The following LTBP1 variants were observed in gnomAD, a reference collection of about 807,000 sequenced individuals.
LTBP1 encodes latent-transforming growth factor beta-binding protein 1.
In LTBP1, 129 loss-of-function variants were observed where a neutral mutation model predicts 207.6. That is an observed-to-expected ratio of 0.62 (90% CI 0.54 to 0.72). The LOEUF is 0.72. Among genes scored for constraint, LTBP1 ranks in the 30% least tolerant of loss-of-function variants. LTBP1 has a pLI of 0.00. For synonymous variants in LTBP1, 963 were observed against 833.7 expected (o/e 1.16, Z -2.67); for missense variants, 2,281 against 2,217.2 (o/e 1.03, Z -0.58).
chr2:32,967,725 A>C (rs1332483692), intron 2 of LTBP1, among the ~76,000 whole-genome samples: 1 of 152,200 alleles, frequency 6.6e-6, no homozygotes, highest in African/African-American at 2.4e-5. Context: ...GATGTGTTTT[A>C]TGACCCAGAA....
Position 33,188,636 on chromosome 2 carries a change from C to G in LTBP1, c.1486C>G (p.Gln496Glu), listed in dbSNP as rs953786563. The change falls in exon 7 of 34, where the codon CAG becomes GAG. Residue 496 changes from glutamine (Q) to glutamate (E), a missense_variant. By Grantham distance (29) the Gln-to-Glu change is conservative. Transcript: ENST00000404816. The stretch of plus-strand genomic sequence containing the variant: ...GAAACATCCTCCTGAAGCTTCCGTC[C>G]AGATACATCAGGTTTCAAGAATTGA... Reference protein sequence around the residue: ...HVKHPPEASVQIHQVSRIDGP... With the variant: ...HVKHPPEASVEIHQVSRIDGP... 1.6e-5 allele frequency: 26 copies of G among 1,614,064 alleles called. No homozygotes were observed. Among genetic ancestry groups the G allele is most frequent in the Non-Finnish European group, 2.2e-5 (26 of 1,180,008 alleles).
At chr2:33,321,598 G>A (rs2094355559) in intron 24 of LTBP1, among the ~76,000 whole-genome samples, 2 of 152,162 alleles carry the variant, frequency 1.3e-5, no homozygotes, top group Non-Finnish European at 2.9e-5. Context: ...GGCAGTTGGT[G>A]GTTTTGTGGC....
intron 15 of LTBP1, 105 bp from the exon 16 acceptor site, chr2:33,273,551 A>G: frequency 1.3e-6 from 1 of 782,458 alleles, no homozygotes. Context: ...AGAGCTGGCA[A>G]TAATTTGCTA....
chr2:33,329,744 C>T (rs2094472966), intron 24 of LTBP1, among the ~76,000 whole-genome samples: 1 of 152,006 alleles, frequency 6.6e-6, no homozygotes, highest in Non-Finnish European at 1.5e-5. Context: ...ATAGGTTTAT[C>T]TGTCTTTGTA....
chr2:33,248,020 G>A (rs1411601987), intron 10 of LTBP1, among the ~76,000 whole-genome samples: 1 of 152,152 alleles, frequency 6.6e-6, no homozygotes, highest in Non-Finnish European at 1.5e-5. Flanking sequence ...ATGACATTTA[G>A]TCTTCATAAT....
intron 5 of LTBP1, among the ~76,000 whole-genome samples, chr2:33,168,399 C>CAAAAAA (rs10616798): frequency 1.4e-4 from 15 of 103,778 alleles, no homozygotes; most frequent in Non-Finnish European, 2.2e-4. Flanking sequence ...GTCTTTGTCT[C>CAAAAAA]AAAAAAAAAA....
chr2:33,270,975 A>G (rs553813008), intron 15 of LTBP1, among the ~76,000 whole-genome samples: 2 of 152,344 alleles, frequency 1.3e-5, no homozygotes, highest in Non-Finnish European at 2.9e-5. Context: ...TATTCCTAAG[A>G]CTAAAGAGTT....
At chr2:33,259,192 A>G (rs2092945841) in intron 12 of LTBP1, among the ~76,000 whole-genome samples, 2 of 152,252 alleles carry the variant, frequency 1.3e-5, no homozygotes, top group African/African-American at 4.8e-5. Context: ...AAGCATTTCA[A>G]ACATTATATA....
At chr2:32,994,331 C>G (rs985880404) in intron 2 of LTBP1, among the ~76,000 whole-genome samples, 7 of 152,088 alleles carry the variant, frequency 4.6e-5, no homozygotes, top group Non-Finnish European at 1.0e-4. Context: ...TATTATTATG[C>G]TAATTTTACA....
In LTBP1 at chr2:33,013,710, A is replaced by G. The variant is rs549912066; in HGVS notation, c.566-7199A>G. 1.1e-4 allele frequency among the ~76,000 whole-genome samples: 17 copies of G among 152,262 alleles called. No homozygotes were observed. In the South Asian group the frequency reaches 3.5e-3, roughly 32 times the overall value. On this transcript the variant is annotated intron_variant, in intron 2 of 33. Transcript: ENST00000404816. ...ATATTCTGTGAGTGCTTTTACAACT[A>G]TTGACGGTATTGGGAAGAGTGTGTT... is the stretch of plus-strand genomic sequence containing the variant.
intron 24 of LTBP1, among the ~76,000 whole-genome samples, chr2:33,335,199 A>G (rs913673464): frequency 2.6e-5 from 4 of 151,446 alleles, no homozygotes; most frequent in African/African-American, 9.7e-5. Flanking sequence ...AAGATGTCTC[A>G]TTGGCCAGCC....
At chr2:33,112,434 A>G (rs2080468059) in intron 4 of LTBP1, among the ~76,000 whole-genome samples, 1 of 152,246 alleles carries the variant, frequency 6.6e-6, no homozygotes, top group African/African-American at 2.4e-5. Flanking sequence ...TCCTGTTTAA[A>G]TATATTTTCT....
chr2:33,184,498 T>A (rs536062234), intron 5 of LTBP1, among the ~76,000 whole-genome samples: 1 of 152,340 alleles, frequency 6.6e-6, no homozygotes, highest in South Asian at 2.1e-4. Context: ...GTTGTCTGAA[T>A]CTTGACCAGT....
intron 3 of LTBP1, among the ~76,000 whole-genome samples, chr2:33,076,053 A>G (rs535921546): frequency 6.6e-6 from 1 of 152,310 alleles, no homozygotes; most frequent in South Asian, 2.1e-4. Flanking sequence ...CAACAGTAAA[A>G]AGGAATATTA....
chr2:33,208,929 G>A (rs1326203224), intron 7 of LTBP1, among the ~76,000 whole-genome samples: 3 of 148,030 alleles, frequency 2.0e-5, no homozygotes, highest in Admixed American at 6.8e-5. Context: ...GTGCAGTGGC[G>A]CGATCTCGGC....
chr2:32,990,663 T>G (rs1684270400), intron 2 of LTBP1, among the ~76,000 whole-genome samples: 1 of 152,192 alleles, frequency 6.6e-6, no homozygotes, highest in Non-Finnish European at 1.5e-5. Context: ...AATGAGTATG[T>G]GTGTGTGGGA....
intron 7 of LTBP1, among the ~76,000 whole-genome samples, chr2:33,205,456 C>T (rs958888907): frequency 6.6e-6 from 1 of 152,148 alleles, no homozygotes; most frequent in Admixed American, 6.5e-5. Flanking sequence ...AACACATTAG[C>T]ACAACAAAGT....
intron 4 of LTBP1, among the ~76,000 whole-genome samples, chr2:33,111,676 T>C (rs2080412958): frequency 1.3e-5 from 2 of 152,208 alleles, no homozygotes; most frequent in East Asian, 3.8e-4. Context: ...TGATTGACTC[T>C]TCCCTCAGAA....
At chr2:33,396,841 A>G (rs2095363233) in intron 32 of LTBP1, among the ~76,000 whole-genome samples, 1 of 152,212 alleles carries the variant, frequency 6.6e-6, no homozygotes, top group East Asian at 1.9e-4. Flanking sequence ...GAACACTTTT[A>G]ATAATTAAGA....
Sources: allele counts gnomAD v4.1 joint callset (sites outside exome capture counted in the v4.1 genomes callset), GRCh38; gene constraint gnomAD v4.1.1; transcripts MANE v1.5; gene names NCBI Gene and HGNC (gene_info 2026-07-23, HGNC 2026-07-21).